DAPK1: variants seen among roughly 807,000 people sequenced by gnomAD.
DAPK1 encodes death associated protein kinase 1.
Under a neutral mutation model 144.9 loss-of-function variants are expected in DAPK1, and 56 were observed. The observed-to-expected ratio is 0.39, with a 90% CI of 0.31 to 0.48. The LOEUF (loss-of-function observed/expected upper bound fraction) is 0.48, where lower values mean the gene tolerates loss of function less well. Ranked by LOEUF, DAPK1 falls within the 20% of genes least tolerant of loss-of-function variation. The pLI, the probability that DAPK1 is intolerant of heterozygous loss-of-function variation, is 0.95. For synonymous variants in DAPK1, 690 were observed against 749.0 expected (o/e 0.92, Z 1.29); for missense variants, 1,454 against 1,875.4 (o/e 0.78, Z 4.15).
chr9:87,500,243 C>A (rs1344954432), intron 2 of DAPK1, among the ~76,000 whole-genome samples: 1 of 152,092 alleles, frequency 6.6e-6, no homozygotes, highest in Non-Finnish European at 1.5e-5. Flanking sequence ...CAGAGTATTT[C>A]TCTAAATATT....
intron 3 of DAPK1, among the ~76,000 whole-genome samples, chr9:87,613,620 A>G (rs1404813771): frequency 6.6e-6 from 1 of 152,260 alleles, no homozygotes; most frequent in East Asian, 1.9e-4. Flanking sequence ...CAGCAAGATC[A>G]GAATCGCAAG....
intron 2 of DAPK1, among the ~76,000 whole-genome samples, chr9:87,588,461 G>T (rs1828010853): frequency 6.6e-6 from 1 of 151,392 alleles, no homozygotes; most frequent in Non-Finnish European, 1.5e-5. Context: ...TGCCCTATAG[G>T]CTAAGCATTA....
Position 87,706,086 on chromosome 9 carries a change from G to T in DAPK1, c.3061-46G>T, listed in dbSNP as rs763330519. 1 of 1,480,834 alleles carries T rather than the reference G, an allele frequency of 6.8e-7. No homozygotes were observed. The highest frequency in any genetic ancestry group is 9.2e-7 in the Non-Finnish European group (1 of 1,082,530). 91.7% of individuals were successfully genotyped at this position (1,480,834 alleles called of 1,614,324 possible). ...GTGCTCTAAGTGGCTGGTGCACCTG[G>T]CCAGGGCTCTGTCCCTAAGCGTGAC... is the stretch of plus-strand genomic sequence containing the variant. On this transcript the variant is annotated intron_variant, in intron 25 of 25. Coordinates refer to ENST00000408954, the MANE Select transcript of DAPK1 (RefSeq NM_004938.4). The surrounding 1 kb of genome is among the most constrained non-coding windows in gnomAD (Gnocchi z 9.0).
chr9:87,528,482 T>G (rs1022058735), intron 2 of DAPK1, among the ~76,000 whole-genome samples: 4 of 152,094 alleles, frequency 2.6e-5, no homozygotes, highest in African/African-American at 9.7e-5. Context: ...CCTCCCAAAG[T>G]GCTGGGATTA....
intron 3 of DAPK1, chr9:87,633,038 A>T (rs553995806): frequency 1.0e-6 from 1 of 980,954 alleles, no homozygotes; most frequent in East Asian, 1.2e-4. Context: ...GTAGGGATGA[A>T]GGAGGATGAG....
At chr9:87,612,227 A>G (rs920139360) in intron 3 of DAPK1, among the ~76,000 whole-genome samples, 1 of 152,226 alleles carries the variant, frequency 6.6e-6, no homozygotes, top group African/African-American at 2.4e-5. Flanking sequence ...GGAGAGGACA[A>G]ACATTCAAAC....
At chr9:87,625,297 G>C (rs1399023570) in intron 3 of DAPK1, among the ~76,000 whole-genome samples, 2 of 152,252 alleles carry the variant, frequency 1.3e-5, no homozygotes, top group African/African-American at 4.8e-5. Flanking sequence ...CATACAGGCA[G>C]ATGCTGTGCC....
intron 3 of DAPK1, among the ~76,000 whole-genome samples, chr9:87,635,718 T>C (rs553286082): frequency 6.6e-6 from 1 of 152,178 alleles, no homozygotes; most frequent in Non-Finnish European, 1.5e-5. Flanking sequence ...CCTCATAACC[T>C]TCAAGGGAAG....
intron 2 of DAPK1, among the ~76,000 whole-genome samples, chr9:87,520,755 G>A (rs1265392996): frequency 2.0e-5 from 3 of 152,192 alleles, no homozygotes; most frequent in Non-Finnish European, 4.4e-5. Flanking sequence ...AAATGTTTGT[G>A]TGTGTATACA....
intron 2 of DAPK1, among the ~76,000 whole-genome samples, chr9:87,536,181 A>G (rs1825855948): frequency 6.6e-6 from 1 of 152,206 alleles, no homozygotes; most frequent in Non-Finnish European, 1.5e-5. Context: ...CCCTAAAGCT[A>G]CAGCCTCTGG....
chr9:87,694,612 G>A (rs748058258), intron 21 of DAPK1, among the ~76,000 whole-genome samples: 1 of 152,206 alleles, frequency 6.6e-6, no homozygotes, highest in African/African-American at 2.4e-5. Flanking sequence ...CACAGCAGCA[G>A]TGGCTGCAGA....
intron 19 of DAPK1, among the ~76,000 whole-genome samples, chr9:87,671,373 A>G (rs985990899): frequency 6.6e-6 from 1 of 152,000 alleles, no homozygotes; most frequent in African/African-American, 2.4e-5. Flanking sequence ...ATACAAAAAT[A>G]TAAAATATAT....
At chr9:87,539,442 T>TTTC (rs1414564036) in intron 2 of DAPK1, among the ~76,000 whole-genome samples, 1 of 150,114 alleles carries the variant, frequency 6.7e-6, no homozygotes, top group Non-Finnish European at 1.5e-5. Flanking sequence ...TTTTTTTTTT[T>TTTC]TTTTTGAGAC....
chr9:87,696,267 C>G (rs1412834147), intron 21 of DAPK1, among the ~76,000 whole-genome samples: 1 of 151,952 alleles, frequency 6.6e-6, no homozygotes, highest in Admixed American at 6.6e-5. Flanking sequence ...TAGAAGTAGT[C>G]ATGATATAGA....
intron 9 of DAPK1, 151 bp from the exon 10 acceptor site, chr9:87,641,818 C>T (rs1830106251): frequency 1.8e-5 from 11 of 615,960 alleles, no homozygotes; most frequent in Middle Eastern, 4.4e-4. Flanking sequence ...GACTAGGTGC[C>T]TAGGTATTCC....
chr9:87,621,926 C>T (rs1292039927), intron 3 of DAPK1, among the ~76,000 whole-genome samples: 3 of 152,016 alleles, frequency 2.0e-5, no homozygotes, highest in South Asian at 2.1e-4. Context: ...GGTAGAGCCT[C>T]GGCAACATCA....
Position 87,686,902 on chromosome 9 carries a change from A to G in DAPK1, c.2413+163A>G. On this transcript the variant is annotated intron_variant, in intron 21 of 25. Coordinates refer to ENST00000408954, the MANE Select transcript of DAPK1 (RefSeq NM_004938.4). The surrounding 1 kb of genome is among the most constrained non-coding windows in gnomAD (Gnocchi z 4.2). Reference sequence around the variant, plus strand: ...AGCCAGGACTGAAGCATGGCTGGCTACCATCCCTAAACAGTGAAATTAAAC... The same window carrying G: ...AGCCAGGACTGAAGCATGGCTGGCTGCCATCCCTAAACAGTGAAATTAAAC... The G allele has an allele frequency of 1.0e-6, 1 of 963,288 alleles. No homozygotes were observed. The highest frequency in any genetic ancestry group is 1.8e-5 in the African/African-American group (1 of 56,900). The allele number at this position is 963,288 out of a possible 1,614,324, so 59.7% of individuals were successfully genotyped here. A position where few individuals can be genotyped will look rare whatever the true frequency, so the allele number is the denominator to read the frequency against.
chr9:87,657,899 G>A, intron 17 of DAPK1, 130 bp from the exon 18 acceptor site: 3 of 695,068 alleles, frequency 4.3e-6, no homozygotes, highest in Non-Finnish European at 8.0e-6. Context: ...GCAAGTTTCA[G>A]GAGAAGGGAG....
intron 2 of DAPK1, among the ~76,000 whole-genome samples, chr9:87,563,690 T>C (rs1277447454): frequency 2.0e-5 from 3 of 152,188 alleles, no homozygotes; most frequent in Non-Finnish European, 4.4e-5. Context: ...CACCAGATGT[T>C]CAGGTGAGGC....
Sources: gnomAD v4.1 joint callset for allele counts (sites outside exome capture counted in the v4.1 genomes callset) on GRCh38, gnomAD v4.1.1 for gene constraint, Gnocchi (gnomAD v3.1) non-coding constraint, MANE v1.5 for transcripts, NCBI Gene and HGNC (gene_info 2026-07-23, HGNC 2026-07-21) for gene names.